The following PAXIP1 variants were observed in gnomAD, a reference collection of about 807,000 sequenced individuals.
The protein encoded by PAXIP1 is PAX interacting protein 1.
In PAXIP1, 19 loss-of-function variants were observed where a neutral mutation model predicts 140.6. The observed-to-expected ratio is 0.14, with a 90% CI of 0.09 to 0.20. The LOEUF is 0.20. Ranked by LOEUF, PAXIP1 falls within the 10% of genes least tolerant of loss-of-function variation. PAXIP1 has a pLI of 1.00. For synonymous variants in PAXIP1, 442 were observed against 444.6 expected, an observed-to-expected ratio of 0.99 and a Z score of 0.07; for missense variants, 920 against 1,208.6, an observed-to-expected ratio of 0.76 and a Z score of 3.54.
At position 154,963,213 on chromosome 7, in the gene PAXIP1, T is replaced by C. The variant is rs1363311465; in HGVS notation, c.1989+458A>G. On this transcript the variant is annotated intron_variant, in intron 9 of 20. Coordinates refer to ENST00000404141, the MANE Select transcript of PAXIP1 (RefSeq NM_007349.4). This position sits in a 1 kb window ranked among gnomAD's most constrained non-coding sequence, Gnocchi z 4.1. Reference sequence around the variant, plus strand: ...TTTTTTGAGATGGAGTCTCGCTGTGTCACTCAGGCTGGAGTGCAGTGGTGG... The same window carrying C: ...TTTTTTGAGATGGAGTCTCGCTGTGCCACTCAGGCTGGAGTGCAGTGGTGG... Among the ~76,000 whole-genome samples the C allele has an allele frequency of 6.6e-6, 1 of 151,926 alleles. No individual in the cohort carries two copies. The highest frequency in any genetic ancestry group is 1.5e-5 in the Non-Finnish European group (1 of 67,992).
rs565790092 is a variant in PAXIP1 at position 154,983,264 on chromosome 7, G to T, written c.393C>A (p.Thr131=). Residue 131 remains threonine, a synonymous_variant, in exon 5 of 21, where the codon ACC becomes ACA. Coordinates refer to ENST00000404141, the MANE Select transcript of PAXIP1 (RefSeq NM_007349.4). Reference sequence around the variant, plus strand: ...TCAAATGCGTGCATTTCTTATTGAGGGTTAGCTGGCAATCTCCCCCATAGA... The same window carrying T: ...TCAAATGCGTGCATTTCTTATTGAGTGTTAGCTGGCAATCTCCCCCATAGA... The part of the protein sequence containing the change: ...VTFYGGDCQL[T]LNKKCTHLIV... 5.0e-6 allele frequency: 8 copies of T among 1,612,536 alleles called. No homozygotes were observed. The highest frequency in any genetic ancestry group is 6.8e-6 in the Non-Finnish European group (8 of 1,179,206).
At chr7:154,983,515 T>C (rs1809937569) in intron 4 of PAXIP1, 183 bp from the exon 5 acceptor site, 1 of 499,488 alleles carries the variant, frequency 2.0e-6, no homozygotes, top group East Asian at 3.8e-5. Flanking sequence ...ACTTCACTCC[T>C]ATCATAATAG....
intron 20 of PAXIP1, 34 bp from the exon 21 acceptor site, chr7:154,944,198 A>G: frequency 6.3e-7 from 1 of 1,583,996 alleles, no homozygotes. Flanking sequence ...TTTCAAACAC[A>G]AGGCAAAAGA....
At position 154,990,986 on chromosome 7, in the gene PAXIP1, C is replaced by T. The variant is rs1441477234; in HGVS notation, c.324+20G>A. On this transcript the variant is annotated intron_variant, in intron 4 of 20. Coordinates refer to ENST00000404141, the MANE Select transcript of PAXIP1 (RefSeq NM_007349.4). ...AGTGTCACATATAAATAACTCAAGACTAACTGTAACCATGCTTACCTGAGA... is the reference window on the plus strand; with the variant it reads ...AGTGTCACATATAAATAACTCAAGATTAACTGTAACCATGCTTACCTGAGA... The T allele has an allele frequency of 1.3e-6, 2 of 1,490,304 alleles. No homozygotes were observed. The highest frequency in any genetic ancestry group is 2.4e-5 in the East Asian group (1 of 41,124). 92.3% of individuals were successfully genotyped at this position (1,490,304 alleles called of 1,614,324 possible). A position where few individuals can be genotyped will look rare whatever the true frequency, so the allele number is the denominator to read the frequency against.
At chr7:154,975,477 C>G (rs1349800845) in intron 6 of PAXIP1, among the ~76,000 whole-genome samples, 1 of 151,924 alleles carries the variant, frequency 6.6e-6, no homozygotes, top group Non-Finnish European at 1.5e-5. Flanking sequence ...ACTTAAAATA[C>G]GCTGTTACCC....
chr7:154,960,768 A>C, intron 12 of PAXIP1, 125 bp downstream of exon 12: 1 of 649,312 alleles, frequency 1.5e-6, no homozygotes, highest in Non-Finnish European at 2.5e-6. Flanking sequence ...AGAAATTGGA[A>C]ATGAGTCAAA....
intron 9 of PAXIP1, among the ~76,000 whole-genome samples, chr7:154,962,947 A>G (rs1040945395): frequency 2.0e-5 from 3 of 152,238 alleles, no homozygotes; most frequent in African/African-American, 7.2e-5. Context: ...ATATATATAT[A>G]ATCTGTCTAC....
chr7:154,970,466 T>C (rs1194137556), intron 6 of PAXIP1, among the ~76,000 whole-genome samples: 2 of 152,266 alleles, frequency 1.3e-5, no homozygotes, highest in Non-Finnish European at 2.9e-5. Context: ...AATCACCTTA[T>C]GTATGAGACA....
chr7:154,987,948 G>C (rs1325819602), intron 4 of PAXIP1, among the ~76,000 whole-genome samples: 1 of 152,168 alleles, frequency 6.6e-6, no homozygotes, highest in Non-Finnish European at 1.5e-5. Flanking sequence ...AGTTTTACCT[G>C]CAATGATCAC....
chr7:154,968,509 C>T lies in PAXIP1; in HGVS notation c.1692G>A (p.Leu564=). 1 of 879,996 alleles carries T rather than the reference C, an allele frequency of 1.1e-6. No individual in the cohort carries two copies. The allele number at this position is 879,996 out of a possible 1,614,324, so 54.5% of individuals were successfully genotyped here. Residue 564 remains leucine (L), a synonymous_variant, in exon 7 of 21, where the codon CTG becomes CTA. Coordinates refer to ENST00000404141, the MANE Select transcript of PAXIP1 (RefSeq NM_007349.4). ...GCTGCTGAGGTGGAACCTGATGCTG[C>T]AGCGCCTGTGACGTCTGACTCAAGT... is the stretch of plus-strand genomic sequence containing the variant. ...APHLSQTSQA[L]QHQVPPQQPP... is the part of the protein sequence containing the mutation.
chr7:154,994,727 T>C (rs956058650), intron 2 of PAXIP1, among the ~76,000 whole-genome samples: 1 of 152,216 alleles, frequency 6.6e-6, no homozygotes, highest in Non-Finnish European at 1.5e-5. Context: ...TCTAAATAAG[T>C]ATATTTTCTG....
rs907198961 is a variant in PAXIP1, at chr7:154,946,898, G to T, written c.2923-85C>A. ...ATAATTCTCATAGATTCTGCCCTGA[G>T]ATTTTTGACAAAATTTCAAATTTTA... On this transcript the variant is annotated intron_variant, in intron 17 of 20. Transcript: ENST00000404141. The surrounding 1 kb of genome is among the most constrained non-coding windows in gnomAD (Gnocchi z 4.9). 6.5e-6 allele frequency: 7 copies of T among 1,084,848 alleles called. No individual in the cohort carries two copies. The highest frequency in any genetic ancestry group is 6.4e-5 in the African/African-American group (4 of 62,834). The allele number at this position is 1,084,848 out of a possible 1,614,324, so 67.2% of individuals were successfully genotyped here. A position where few individuals can be genotyped will look rare whatever the true frequency, so the allele number is the denominator to read the frequency against.
intron 16 of PAXIP1, among the ~76,000 whole-genome samples, chr7:154,952,829 A>G (rs751021907): frequency 3.9e-5 from 6 of 152,218 alleles, no homozygotes; most frequent in Non-Finnish European, 7.3e-5. Flanking sequence ...TTGAGGATTT[A>G]GTCTTTCCTT....
At chr7:154,947,217 A>C in intron 17 of PAXIP1, 1 of 163,312 alleles carries the variant, frequency 6.1e-6, no homozygotes, top group Non-Finnish European at 1.3e-5. Context: ...CCTTTTCTTT[A>C]TTTTCTCCAT....
intron 10 of PAXIP1, 87 bp from the exon 11 acceptor site, chr7:154,961,735 A>G (rs1400826462): frequency 8.8e-6 from 10 of 1,136,200 alleles, no homozygotes; most frequent in South Asian, 1.6e-5. Flanking sequence ...TAGTTGATAC[A>G]TATTTTTTCA....
Position 154,960,949 on chromosome 7 carries a change from G to A in PAXIP1, c.2378C>T (p.Ala793Val), listed in dbSNP as rs1808730434. ...LRQIQYSRYTAFSLQDPFAPT... is the reference protein window; with the variant it reads ...LRQIQYSRYTVFSLQDPFAPT... The stretch of plus-strand genomic sequence containing the variant: ...GGCAAATGGATCCTGCAGACTGAAT[G>A]CCGTGTAGCGACTATACTGAATCTG... Residue 793 changes from alanine (A) to valine (V), a missense_variant, in exon 12 of 21, where the codon GCA becomes GTA. Ala to Val is a moderately conservative substitution (Grantham distance 64). Coordinates refer to ENST00000404141, the MANE Select transcript of PAXIP1 (RefSeq NM_007349.4). 1 of 1,604,414 alleles carries A rather than the reference G, an allele frequency of 6.2e-7. No individual in the cohort carries two copies. The highest frequency in any genetic ancestry group is 8.5e-7 in the Non-Finnish European group (1 of 1,175,174).
At chr7:154,989,369 C>G (rs1373653654) in intron 4 of PAXIP1, among the ~76,000 whole-genome samples, 1 of 152,162 alleles carries the variant, frequency 6.6e-6, no homozygotes, top group Non-Finnish European at 1.5e-5. Flanking sequence ...AGATTATAAC[C>G]AAATTTCTTT....
chr7:154,990,972 T>C (rs775734192), intron 4 of PAXIP1, 34 bp downstream of exon 4: 5 of 1,362,920 alleles, frequency 3.7e-6, no homozygotes, highest in Admixed American at 4.6e-5. Context: ...GTGTCACATA[T>C]AAATAACTCA....
Position 154,976,179 on chromosome 7 carries a change from C to T in PAXIP1, c.591G>A (p.Glu197=), listed in dbSNP as rs1563378340. Reference sequence around the variant, plus strand: ...GTTCCTCATTTTCTACTTCCTCCTCCTCTTCCTCTTCCTCTTCTTCCTCTT... The same window carrying T: ...GTTCCTCATTTTCTACTTCCTCCTCTTCTTCCTCTTCCTCTTCTTCCTCTT... ...IYEEEEEEEE[E]EEEVENEEQD... The change falls in exon 6 of 21, where the codon GAG becomes GAA. Residue 197 remains glutamate, a synonymous_variant. Coordinates refer to ENST00000404141, the MANE Select transcript of PAXIP1 (RefSeq NM_007349.4). 6.2e-7 allele frequency: 1 copy of T among 1,604,638 alleles called. No individual in the cohort carries two copies. Among genetic ancestry groups the T allele is most frequent in the Non-Finnish European group, 8.5e-7 (1 of 1,174,200 alleles).
Sources: gnomAD v4.1 joint callset for allele counts (sites outside exome capture counted in the v4.1 genomes callset) on GRCh38, gnomAD v4.1.1 for gene constraint, Gnocchi (gnomAD v3.1) non-coding constraint, MANE v1.5 for transcripts, NCBI Gene and HGNC (gene_info 2026-07-23, HGNC 2026-07-21) for gene names.